Variants in FRMD4A observed in about 807,000 individuals in gnomAD.
FRMD4A encodes FERM domain-containing protein 4A.
Under a neutral mutation model 129.1 loss-of-function variants are expected in FRMD4A, and 29 were observed. The ratio of observed to expected loss-of-function variants is 0.22; its 90% CI spans 0.17 to 0.31. FRMD4A has a LOEUF of 0.31. Ranked by LOEUF, FRMD4A falls within the 10% of genes least tolerant of loss-of-function variation. The probability of loss-of-function intolerance (pLI) is 1.00; values close to 1 mark genes in which losing one functional copy is unlikely to be tolerated. For missense variants in FRMD4A, 1,272 were observed against 1,375.8 expected, an observed-to-expected ratio of 0.92 and a Z score of 1.19; for synonymous variants, 634 against 571.6, an observed-to-expected ratio of 1.11 and a Z score of -1.56.
intron 16 of FRMD4A, among the ~76,000 whole-genome samples, chr10:13,671,716 T>G (rs992638370): frequency 6.6e-6 from 1 of 152,208 alleles, no homozygotes; most frequent in Non-Finnish European, 1.5e-5. Context: ...TCAGAGTCAG[T>G]GGCTGCCCCA....
chr10:13,701,612 C>T (rs2086837593), intron 13 of FRMD4A, 134 bp from the exon 14 acceptor site: 1 of 725,204 alleles, frequency 1.4e-6, no homozygotes. Context: ...CTCTCACATA[C>T]ACCTAGGCGT....
intron 2 of FRMD4A, among the ~76,000 whole-genome samples, chr10:14,129,317 T>G (rs1839101824): frequency 6.9e-6 from 1 of 145,882 alleles, no homozygotes; most frequent in Non-Finnish European, 1.5e-5. Flanking sequence ...AAAATCGCTC[T>G]GAGAGCCTCA....
At chr10:13,780,898 AC>A (rs2092716098) in intron 6 of FRMD4A, among the ~76,000 whole-genome samples, 1 of 152,220 alleles carries the variant, frequency 6.6e-6, no homozygotes, top group South Asian at 2.1e-4. Flanking sequence ...CATGTTCATA[AC>A]AGCATTATTC....
chr10:14,254,347 T>C (rs755470837), intron 2 of FRMD4A, among the ~76,000 whole-genome samples: 1 of 152,238 alleles, frequency 6.6e-6, no homozygotes, highest in Non-Finnish European at 1.5e-5. Context: ...AAAGTAACCA[T>C]ACTCTCTACG....
At chr10:13,919,137 G>A (rs1335446360) in intron 2 of FRMD4A, among the ~76,000 whole-genome samples, 1 of 152,110 alleles carries the variant, frequency 6.6e-6, no homozygotes, top group Non-Finnish European at 1.5e-5. Flanking sequence ...GTTTCAGAGA[G>A]GGCATGAATA....
At chr10:14,283,392 A>G (rs533327522) in intron 2 of FRMD4A, among the ~76,000 whole-genome samples, 83 of 152,282 alleles carry the variant, frequency 5.5e-4, no homozygotes, top group African/African-American at 1.8e-3. Flanking sequence ...AAGAAACTAC[A>G]TAACAGACCT....
intron 2 of FRMD4A, among the ~76,000 whole-genome samples, chr10:14,194,723 TTC>T (rs982616971): frequency 1.3e-5 from 2 of 152,208 alleles, no homozygotes; most frequent in Non-Finnish European, 2.9e-5. Context: ...TATTTTATGG[TTC>T]TCTCTCTTTT....
At chr10:14,191,984 G>A (rs1234403904) in intron 2 of FRMD4A, among the ~76,000 whole-genome samples, 1 of 151,590 alleles carries the variant, frequency 6.6e-6, no homozygotes, top group Non-Finnish European at 1.5e-5. Flanking sequence ...TCACATCCCC[G>A]GTTGACATTT....
chr10:13,910,495 C>T (rs1398522282), intron 2 of FRMD4A, among the ~76,000 whole-genome samples: 3 of 152,210 alleles, frequency 2.0e-5, no homozygotes, highest in Non-Finnish European at 4.4e-5. Context: ...TACATAAATG[C>T]TGGTTATTTT....
intron 2 of FRMD4A, among the ~76,000 whole-genome samples, chr10:14,132,663 G>A (rs1173304695): frequency 1.3e-5 from 2 of 152,182 alleles, no homozygotes; most frequent in Non-Finnish European, 2.9e-5. Flanking sequence ...CTCATTTGAT[G>A]TTGGGAGTTT....
intron 2 of FRMD4A, among the ~76,000 whole-genome samples, chr10:14,255,406 C>T (rs888097648): frequency 7.9e-5 from 12 of 152,142 alleles, no homozygotes; most frequent in African/African-American, 2.9e-4. Context: ...AAACTGGTAA[C>T]AGGACATTAT....
At chr10:14,286,820 G>T (rs1424321664) in intron 2 of FRMD4A, among the ~76,000 whole-genome samples, 1 of 152,022 alleles carries the variant, frequency 6.6e-6, no homozygotes, top group African/African-American at 2.4e-5. Context: ...GACACCAAGG[G>T]AGGGGATGGA....
At chr10:13,789,133 GC>G (rs11288213) in intron 5 of FRMD4A, among the ~76,000 whole-genome samples, 85,907 of 152,096 alleles carry the variant, frequency 0.56, 25,314 homozygotes, top group Non-Finnish European at 0.66. Flanking sequence ...CTGCAGCCAA[GC>G]CTCTGATGCT....
At chr10:13,694,418 A>G (rs12246696) in intron 14 of FRMD4A, among the ~76,000 whole-genome samples, 132,856 of 152,198 alleles carry the variant, frequency 0.87, 58,208 homozygotes, top group East Asian at 0.98. Flanking sequence ...TCAAAGGAGA[A>G]AAAGTGTGGG....
At chr10:14,032,533 G>C (rs552000993) in intron 2 of FRMD4A, among the ~76,000 whole-genome samples, 1 of 152,174 alleles carries the variant, frequency 6.6e-6, no homozygotes, top group Non-Finnish European at 1.5e-5. Context: ...ACGGTGAACC[G>C]CAAGTAGCGC....
chr10:14,015,195 C>G (rs1565185828), intron 2 of FRMD4A, among the ~76,000 whole-genome samples: 1 of 114,478 alleles, frequency 8.7e-6, no homozygotes, highest in Admixed American at 8.5e-5. Context: ...CCCTCCCACC[C>G]TTCCTTTAAT....
intron 3 of FRMD4A, among the ~76,000 whole-genome samples, chr10:13,830,418 C>T (rs1227055388): frequency 6.6e-6 from 1 of 152,258 alleles, no homozygotes; most frequent in Non-Finnish European, 1.5e-5. Context: ...ATGCATCTTT[C>T]TCCCAGAGCT....
At chr10:14,232,315 C>A (rs1843664932) in intron 2 of FRMD4A, among the ~76,000 whole-genome samples, 1 of 152,120 alleles carries the variant, frequency 6.6e-6, no homozygotes, top group African/African-American at 2.4e-5. Context: ...CAGTACCCTG[C>A]TGTTTTGGTA....
In FRMD4A at chr10:13,675,032, G is replaced by A; in HGVS notation, c.1130C>T (p.Ser377Leu). ...CTTCTTGGCCGACTGCGAGCTATCT[G>A]ATTCCTGAGAACCTGTCGATAAACA... is the stretch of plus-strand genomic sequence containing the variant. ...GSLLSSGSQE[S>L]DSSQSAKKDM... The change falls in exon 16 of 25, where the codon TCA (serine) becomes TTA (leucine). Residue 377 changes from serine to leucine, a missense_variant. This residue lies in a region of FRMD4A where 300 missense variants were observed against 483.6 expected (regional missense o/e 0.62). Coordinates refer to ENST00000357447, the MANE Select transcript of FRMD4A (RefSeq NM_018027.5). 1.2e-6 allele frequency: 2 copies of A among 1,613,014 alleles called. No individual in the cohort carries two copies. Among genetic ancestry groups the A allele is most frequent in the Non-Finnish European group, 1.7e-6 (2 of 1,179,958 alleles).
Sources: gnomAD v4.1 joint callset for allele counts (sites outside exome capture counted in the v4.1 genomes callset) on GRCh38, gnomAD v4.1.1 for gene constraint, gnomAD v4.1.1 regional missense constraint, MANE v1.5 for transcripts, NCBI Gene and HGNC (gene_info 2026-07-23, HGNC 2026-07-21) for gene names.